ARHGAP26: variants seen among roughly 807,000 people sequenced by gnomAD.
ARHGAP26 encodes the protein rho GTPase-activating protein 26.
A neutral mutation model predicts 104.8 loss-of-function variants in ARHGAP26; 38 were observed. That is an observed-to-expected ratio of 0.36 (90% CI 0.28 to 0.48). The LOEUF (loss-of-function observed/expected upper bound fraction) is 0.48, where lower values mean the gene tolerates loss of function less well. Among genes scored for constraint, ARHGAP26 ranks in the 20% least tolerant of loss-of-function variants. The probability of loss-of-function intolerance (pLI) is 0.99; values close to 1 mark genes in which losing one functional copy is unlikely to be tolerated. For synonymous variants in ARHGAP26, 341 were observed against 340.0 expected (o/e 1.00, Z -0.03); for missense variants, 704 against 947.9 (o/e 0.74, Z 3.38).
At chr5:142,929,952 G>A (rs1764472003) in intron 10 of ARHGAP26, among the ~76,000 whole-genome samples, 1 of 152,164 alleles carries the variant, frequency 6.6e-6, no homozygotes, top group Admixed American at 6.5e-5. Flanking sequence ...GGGATGGAGT[G>A]GACAGCCCAG....
At chr5:142,905,646 C>T (rs1297598245) in intron 8 of ARHGAP26, among the ~76,000 whole-genome samples, 1 of 152,134 alleles carries the variant, frequency 6.6e-6, no homozygotes. Flanking sequence ...ATATACCATG[C>T]TTCTTCAGTA....
chr5:143,195,191 T>C (rs1806630104), intron 20 of ARHGAP26, among the ~76,000 whole-genome samples: 1 of 152,228 alleles, frequency 6.6e-6, no homozygotes, highest in African/African-American at 2.4e-5. Context: ...GGTTCGTGCA[T>C]TTGCAAGAGT....
intron 11 of ARHGAP26, among the ~76,000 whole-genome samples, chr5:143,012,912 C>G (rs1779098249): frequency 6.6e-6 from 1 of 151,908 alleles, no homozygotes; most frequent in African/African-American, 2.4e-5. Context: ...CCTGGGCCTC[C>G]CAAAGTGCTG....
intron 1 of ARHGAP26, among the ~76,000 whole-genome samples, chr5:142,850,387 CTA>C (rs1160154188): frequency 6.6e-6 from 1 of 152,130 alleles, no homozygotes; most frequent in Admixed American, 6.5e-5. Flanking sequence ...CTCTCTCTCT[CTA>C]TGGTGCTTAC....
intron 19 of ARHGAP26, among the ~76,000 whole-genome samples, chr5:143,136,762 C>T (rs1193604224): frequency 1.3e-5 from 2 of 152,168 alleles, no homozygotes; most frequent in African/African-American, 4.8e-5. Flanking sequence ...GAAGTTTTCA[C>T]ACACTTCACC....
At chr5:143,142,511 A>G (rs543673506) in intron 19 of ARHGAP26, among the ~76,000 whole-genome samples, 19 of 152,010 alleles carry the variant, frequency 1.2e-4, no homozygotes, top group African/African-American at 3.9e-4. Flanking sequence ...AAAAAAAAAC[A>G]TTGTCCAAAC....
At chr5:142,890,200 A>G (rs1270639289) in intron 5 of ARHGAP26, among the ~76,000 whole-genome samples, 96 of 121,762 alleles carry the variant, frequency 7.9e-4, no homozygotes, top group African/African-American at 2.8e-3. Flanking sequence ...ATATATATGA[A>G]AGTGCATTGC....
chr5:142,972,514 A>G (rs1240435900), intron 11 of ARHGAP26, among the ~76,000 whole-genome samples: 1 of 152,072 alleles, frequency 6.6e-6, no homozygotes, highest in Non-Finnish European at 1.5e-5. Flanking sequence ...TTTGTATTGT[A>G]TTCCTTATTT....
At chr5:143,093,771 G>T (rs56809185) in intron 17 of ARHGAP26, among the ~76,000 whole-genome samples, 1 of 152,008 alleles carries the variant, frequency 6.6e-6, no homozygotes, top group Non-Finnish European at 1.5e-5. Context: ...AGGGACCAGC[G>T]GGAGTGGAGC....
chr5:143,154,969 G>A (rs1343567733), intron 20 of ARHGAP26, among the ~76,000 whole-genome samples: 1 of 152,092 alleles, frequency 6.6e-6, no homozygotes, highest in Non-Finnish European at 1.5e-5. Flanking sequence ...CCTTTGGAAT[G>A]TGGGGCTTTG....
At chr5:142,921,421 G>T (rs1157081234) in intron 10 of ARHGAP26, 1 of 166,388 alleles carries the variant, frequency 6.0e-6, no homozygotes, top group African/African-American at 2.4e-5. Flanking sequence ...TTTTCTTTGA[G>T]GCCATGGTAA....
chr5:143,040,101 G>A (rs1783233674), intron 13 of ARHGAP26, among the ~76,000 whole-genome samples: 1 of 152,140 alleles, frequency 6.6e-6, no homozygotes, highest in Non-Finnish European at 1.5e-5. Flanking sequence ...GTAAAGTCCC[G>A]GGAAAGCACA....
At chr5:142,970,583 ACATGCCCATTCCTAAGCCAAT>A (rs1285050040) in intron 11 of ARHGAP26, among the ~76,000 whole-genome samples, 1 of 152,210 alleles carries the variant, frequency 6.6e-6, no homozygotes, top group Non-Finnish European at 1.5e-5. Flanking sequence ...GAGTTGGGTC[ACATGCCCATTCCTAAGCCAAT>A]CATTGGGGCC....
Position 143,134,000 on chromosome 5 carries a change from A to G in ARHGAP26, c.1732A>G (p.Asn578Asp). ...FNTVPDMPLT[N>D]AQLHLSRKKS... ...CACCGTGCCCGATATGCCTCTCACC[A>G]ATGCCCAGCTGCACCTGTCTCGGAA... The change falls in exon 19 of 23, where the codon AAT (asparagine) becomes GAT (aspartate). Residue 578 changes from asparagine to aspartate, a missense_variant. This residue lies in a region of ARHGAP26 where 217 missense variants were observed against 242.6 expected (regional missense o/e 0.89). Coordinates refer to ENST00000645722, the MANE Select transcript of ARHGAP26 (RefSeq NM_001135608.3). 3 of 1,612,794 alleles carry G rather than the reference A, an allele frequency of 1.9e-6. No homozygotes were observed. The highest frequency in any genetic ancestry group is 2.5e-6 in the Non-Finnish European group (3 of 1,179,300).
At chr5:143,075,664 A>G (rs1033734506) in intron 17 of ARHGAP26, among the ~76,000 whole-genome samples, 1 of 152,164 alleles carries the variant, frequency 6.6e-6, no homozygotes, top group African/African-American at 2.4e-5. Flanking sequence ...TATTGATTAA[A>G]TGTGCATTTT....
intron 17 of ARHGAP26, among the ~76,000 whole-genome samples, chr5:143,082,194 C>T (rs1789936706): frequency 1.3e-5 from 2 of 151,964 alleles, no homozygotes; most frequent in Non-Finnish European, 2.9e-5. Flanking sequence ...GTGATAATGC[C>T]GTGATTGCTT....
chr5:142,964,730 C>G (rs956405107), intron 11 of ARHGAP26, among the ~76,000 whole-genome samples: 9 of 152,274 alleles, frequency 5.9e-5, no homozygotes, highest in Non-Finnish European at 1.0e-4. Context: ...ACCTGACATG[C>G]ATTTCTGGAT....
chr5:142,794,253 A>T (rs778282077), intron 1 of ARHGAP26, among the ~76,000 whole-genome samples: 1 of 152,202 alleles, frequency 6.6e-6, no homozygotes, highest in Non-Finnish European at 1.5e-5. Flanking sequence ...CATCCTTGAG[A>T]TAATCCCTGA....
At chr5:143,096,729 A>G (rs1792374139) in intron 17 of ARHGAP26, among the ~76,000 whole-genome samples, 2 of 152,118 alleles carry the variant, frequency 1.3e-5, no homozygotes. Flanking sequence ...GAAGAATACA[A>G]TGACTATTGG....
Sources: gnomAD v4.1 joint callset for allele counts (sites outside exome capture counted in the v4.1 genomes callset) on GRCh38, gnomAD v4.1.1 for gene constraint, gnomAD v4.1.1 regional missense constraint, MANE v1.5 for transcripts, NCBI Gene and HGNC (gene_info 2026-07-23, HGNC 2026-07-21) for gene names.